The following CACNB2 variants were observed in gnomAD, a reference collection of about 807,000 sequenced individuals.
The protein encoded by CACNB2 is calcium voltage-gated channel auxiliary subunit beta 2, also known as voltage-dependent L-type calcium channel subunit beta-2.
Under a neutral mutation model 73.3 loss-of-function variants are expected in CACNB2, and 42 were observed. That is an observed-to-expected ratio of 0.57 (90% CI 0.45 to 0.74). The LOEUF (loss-of-function observed/expected upper bound fraction) is 0.74. Among genes scored for constraint, CACNB2 ranks in the 30% least tolerant of loss-of-function variants. CACNB2 has a pLI of 0.00. For missense variants in CACNB2, 940 were observed against 853.0 expected (o/e 1.10, Z -1.27); for synonymous variants, 348 against 310.3 (o/e 1.12, Z -1.28).
At chr10:18,173,371 A>G (rs2033379639) in intron 2 of CACNB2, among the ~76,000 whole-genome samples, 1 of 152,254 alleles carries the variant, frequency 6.6e-6, no homozygotes, top group South Asian at 2.1e-4. Context: ...GGCCATTTGT[A>G]CATTACCTAG....
At chr10:18,532,693 AAAACAAAACAAAAAAAC>A (rs2053171778) in intron 10 of CACNB2, among the ~76,000 whole-genome samples, 2 of 81,734 alleles carry the variant, frequency 2.4e-5, no homozygotes, top group African/African-American at 1.0e-4. Flanking sequence ...AAAAAAAAAA[AAAACAAAACAAAAAAAC>A]AAACAAACAA....
At chr10:18,521,273 C>G (rs980601697) in intron 9 of CACNB2, among the ~76,000 whole-genome samples, 1 of 152,218 alleles carries the variant, frequency 6.6e-6, no homozygotes, top group Admixed American at 6.5e-5. Flanking sequence ...TTCAGGACAT[C>G]CACACCTGGA....
chr10:18,186,602 C>T (rs899547742), intron 2 of CACNB2, among the ~76,000 whole-genome samples: 1 of 152,052 alleles, frequency 6.6e-6, no homozygotes, highest in Non-Finnish European at 1.5e-5. Context: ...GCATGTCTTA[C>T]ATGTCCAGAG....
intron 1 of CACNB2, among the ~76,000 whole-genome samples, chr10:18,146,125 C>T (rs913871328): frequency 6.6e-5 from 10 of 152,032 alleles, no homozygotes; most frequent in African/African-American, 2.4e-4. Flanking sequence ...CTACTTCTTG[C>T]CTAGTAAAGG....
At chr10:18,458,880 C>T (rs1374359641) in intron 3 of CACNB2, among the ~76,000 whole-genome samples, 2 of 151,736 alleles carry the variant, frequency 1.3e-5, no homozygotes, top group South Asian at 2.1e-4. Flanking sequence ...ATTCTCCTGC[C>T]TCAGCCTCCC....
intron 9 of CACNB2, among the ~76,000 whole-genome samples, chr10:18,525,565 T>C (rs868724116): frequency 5.3e-5 from 8 of 152,212 alleles, no homozygotes; most frequent in Non-Finnish European, 1.0e-4. Context: ...TGAAAGCTTA[T>C]GGGTTTCTCT....
At chr10:18,254,829 A>G (rs2131568561) in intron 2 of CACNB2, among the ~76,000 whole-genome samples, 1 of 152,332 alleles carries the variant, frequency 6.6e-6, no homozygotes, top group African/African-American at 2.4e-5. Flanking sequence ...ATTACTGAAG[A>G]CTGAACTTCA....
chr10:18,302,420 G>T (rs1210043445), intron 2 of CACNB2, among the ~76,000 whole-genome samples: 6 of 152,140 alleles, frequency 3.9e-5, no homozygotes. Flanking sequence ...AGCAGAATTC[G>T]CAATTGCAAA....
intron 2 of CACNB2, among the ~76,000 whole-genome samples, chr10:18,277,331 G>A (rs767947524): frequency 8.5e-5 from 13 of 152,238 alleles, no homozygotes; most frequent in Non-Finnish European, 1.9e-4. Flanking sequence ...GAACACCAGA[G>A]TGAAGATCAA....
chr10:18,489,390 C>CAAAAAA (rs66974116), intron 3 of CACNB2, among the ~76,000 whole-genome samples: 2 of 59,784 alleles, frequency 3.3e-5, no homozygotes, highest in Admixed American at 2.6e-4. Flanking sequence ...AACTCCATCT[C>CAAAAAA]AAAAAAAAAA....
chr10:18,392,269 G>T (rs2043513800), intron 2 of CACNB2, among the ~76,000 whole-genome samples: 1 of 152,150 alleles, frequency 6.6e-6, no homozygotes, highest in South Asian at 2.1e-4. Flanking sequence ...AACAGCCAAT[G>T]GGAAAAGAGA....
At chr10:18,222,110 A>C (rs1339015944) in intron 2 of CACNB2, among the ~76,000 whole-genome samples, 1 of 152,218 alleles carries the variant, frequency 6.6e-6, no homozygotes, top group African/African-American at 2.4e-5. Flanking sequence ...GCAGGAGTAC[A>C]CAATACACCT....
intron 10 of CACNB2, chr10:18,531,735 G>A (rs1358044847): frequency 6.6e-6 from 1 of 152,064 alleles, no homozygotes; most frequent in Non-Finnish European, 1.5e-5. Flanking sequence ...TCCCATTGTG[G>A]TTTGATTTGC....
chr10:18,395,312 G>A (rs1036320082), intron 2 of CACNB2, among the ~76,000 whole-genome samples: 4 of 151,770 alleles, frequency 2.6e-5, no homozygotes, highest in East Asian at 1.9e-4. Flanking sequence ...TTCTTTCATC[G>A]TTTAGATTTC....
At chr10:18,161,774 TA>T (rs2032484199) in intron 2 of CACNB2, among the ~76,000 whole-genome samples, 1 of 151,766 alleles carries the variant, frequency 6.6e-6, no homozygotes, top group African/African-American at 2.4e-5. Flanking sequence ...AAATATTTTT[TA>T]AAAATTAGCC....
intron 2 of CACNB2, among the ~76,000 whole-genome samples, chr10:18,176,835 A>G (rs2033619879): frequency 1.3e-5 from 2 of 151,950 alleles, no homozygotes; most frequent in Non-Finnish European, 2.9e-5. Flanking sequence ...ATGTGGGGAT[A>G]GTAGTTCACT....
rs532103758 is a variant in CACNB2, at chr10:18,324,420, C to T, written c.214-77504C>T. Among the ~76,000 whole-genome samples, 22 of 152,092 alleles carry T rather than the reference C, an allele frequency of 1.4e-4. No individual in the cohort carries two copies. In the South Asian group the frequency reaches 4.4e-3, roughly 30 times the overall value. Reference sequence around the variant, plus strand: ...CAGAAGTTTTGGTAGCCTTGCCAGTCGCAAATACTTACAGAATGAATGGAT... The same window carrying T: ...CAGAAGTTTTGGTAGCCTTGCCAGTTGCAAATACTTACAGAATGAATGGAT... On this transcript the variant is annotated intron_variant, in intron 2 of 13. Transcript: ENST00000324631.
intron 3 of CACNB2, among the ~76,000 whole-genome samples, chr10:18,450,546 C>A (rs1227357039): frequency 6.6e-6 from 1 of 151,730 alleles, no homozygotes; most frequent in Non-Finnish European, 1.5e-5. Flanking sequence ...ACTGCTTCTT[C>A]AGAAAAGCAT....
intron 10 of CACNB2, among the ~76,000 whole-genome samples, chr10:18,529,272 G>A (rs2052766122): frequency 6.6e-6 from 1 of 152,134 alleles, no homozygotes; most frequent in Admixed American, 6.5e-5. Context: ...ATTATACATT[G>A]TTTTTAAATG....
Sources: gnomAD v4.1 joint callset for allele counts (sites outside exome capture counted in the v4.1 genomes callset) on GRCh38, gnomAD v4.1.1 for gene constraint, MANE v1.5 for transcripts, NCBI Gene and HGNC (gene_info 2026-07-23, HGNC 2026-07-21) for gene names.